The following ZNF652 variants were observed in gnomAD, a reference collection of about 807,000 sequenced individuals.
The protein encoded by ZNF652 is zinc finger protein 652.
Under a neutral mutation model 45.2 loss-of-function variants are expected in ZNF652, and 16 were observed. The ratio of observed to expected loss-of-function variants is 0.35; its 90% confidence interval spans 0.24 to 0.54. The LOEUF (loss-of-function observed/expected upper bound fraction) is 0.54. Ranked by LOEUF, ZNF652 falls within the 20% of genes least tolerant of loss-of-function variation. ZNF652 has a pLI of 0.91. For missense variants in ZNF652, 614 were observed against 765.6 expected (o/e 0.80, Z 2.34); for synonymous variants, 250 against 260.6 (o/e 0.96, Z 0.39).
chr17:49,312,070 AAAC>A, intron 3 of ZNF652, 28 bp from the exon 4 acceptor site: 1 of 1,559,912 alleles, frequency 6.4e-7, no homozygotes. Context: ...CTTAGTGTCA[AAAC>A]AAAATCCACC....
At chr17:49,352,563 T>C (rs2070293594) in intron 1 of ZNF652, among the ~76,000 whole-genome samples, 1 of 152,232 alleles carries the variant, frequency 6.6e-6, no homozygotes, top group African/African-American at 2.4e-5. Context: ...AGTAGGGATG[T>C]AGAAACAATT....
intron 1 of ZNF652, among the ~76,000 whole-genome samples, chr17:49,324,455 A>G (rs2069934297): frequency 6.6e-6 from 1 of 151,812 alleles, no homozygotes; most frequent in African/African-American, 2.4e-5. Context: ...CAGTGGCGTG[A>G]TCTCAGCTCA....
chr17:49,349,408 A>T (rs1289534677), intron 1 of ZNF652, among the ~76,000 whole-genome samples: 1 of 152,188 alleles, frequency 6.6e-6, no homozygotes, highest in Non-Finnish European at 1.5e-5. Context: ...CAAAAAAGAA[A>T]AAAAAACAAC....
chr17:49,292,465 T>C lies in ZNF652; in HGVS notation c.*5948A>G, dbSNP rs1455061558. 6.6e-6 allele frequency among the ~76,000 whole-genome samples: 1 copy of C among 152,188 alleles called. No individual in the cohort carries two copies. Among genetic ancestry groups the C allele is most frequent in the African/African-American group, 2.4e-5 (1 of 41,448 alleles). On this transcript the variant is annotated 3_prime_UTR_variant, in exon 6 of 6. Transcript: ENST00000430262. ...AGCTAGAAAAAGTAAACAGAAGTTT[T>C]TGAGGGACAGGGCCATGAGAGAGCA...
rs773456958 is a variant in ZNF652, at chr17:49,316,854, T to C, written c.872A>G (p.Gln291Arg). 1 of 1,613,576 alleles carries C rather than the reference T, an allele frequency of 6.2e-7. No individual in the cohort carries two copies. The highest frequency in any genetic ancestry group is 2.2e-5 in the East Asian group (1 of 44,880). The change falls in exon 2 of 6, where the codon CAG (glutamine) becomes CGG (arginine). Residue 291 changes from glutamine (Q) to arginine (R), a missense_variant. Gln to Arg is a conservative substitution (Grantham distance 43, BLOSUM62 1). Transcript: ENST00000430262. Reference protein sequence around the residue: ...FVLESELSLHQQTDCEKNIQC... With the variant: ...FVLESELSLHRQTDCEKNIQC... ...AATGTTTTTTTCACAGTCTGTTTGC[T>C]GGTGAAGGGACAGCTCACTTTCCAG...
chr17:49,295,791 A>C lies in ZNF652; in HGVS notation c.*2622T>G, dbSNP rs2069464925. 1 of 152,052 alleles carries C rather than the reference A, an allele frequency of 6.6e-6. No homozygotes were observed. Among genetic ancestry groups the C allele is most frequent in the Non-Finnish European group, 1.5e-5 (1 of 68,038 alleles). 9.4% of individuals were successfully genotyped at this position (152,052 alleles called of 1,614,324 possible). A position where few individuals can be genotyped will look rare whatever the true frequency, so the allele number is the denominator to read the frequency against. On this transcript the variant is annotated 3_prime_UTR_variant, in exon 6 of 6. Transcript: ENST00000430262. ...CATCTCTGCCAAAAATACAAAACTT[A>C]GCCGGGCGTGCTGGCGCATGCCTGT...
In ZNF652 at chr17:49,336,951, T is replaced by G. The variant is rs1227071741; in HGVS notation, c.-258-18968A>C. On this transcript the variant is annotated intron_variant, in intron 1 of 5. Coordinates refer to ENST00000430262, the MANE Select transcript of ZNF652 (RefSeq NM_001145365.3). ...TACTTTTCTTAATGGTGTTTTTTTT[T>G]TTTTTTTTTTTTTTAAGTATGTAAG... 9.1e-5 allele frequency among the ~76,000 whole-genome samples: 11 copies of G among 120,988 alleles called. No homozygotes were observed. The East Asian group carries it at 2.2e-3, about 24-fold the overall frequency. The allele number at this position is 120,988 out of a possible 152,430, so 79.4% of individuals were successfully genotyped here. A position where few individuals can be genotyped will look rare whatever the true frequency, so the allele number is the denominator to read the frequency against.
At chr17:49,301,875 A>G (rs2069557755) in intron 5 of ZNF652, among the ~76,000 whole-genome samples, 1 of 152,038 alleles carries the variant, frequency 6.6e-6, no homozygotes, top group African/African-American at 2.4e-5. Flanking sequence ...GTAAAAAACA[A>G]ACAAAAGCCC....
At chr17:49,302,292 ATT>A (rs35962100) in intron 5 of ZNF652, among the ~76,000 whole-genome samples, 3 of 138,700 alleles carry the variant, frequency 2.2e-5, no homozygotes, top group Admixed American at 7.2e-5. Flanking sequence ...TAGAAATGTA[ATT>A]TTTTTTTTTT....
chr17:49,336,901 T>C (rs1003967279), intron 1 of ZNF652, among the ~76,000 whole-genome samples: 7 of 150,488 alleles, frequency 4.7e-5, no homozygotes, highest in Admixed American at 1.3e-4. Flanking sequence ...ATTATAGGCA[T>C]GAGCGACCAC....
rs1427119263 is a variant in ZNF652 at position 49,362,078 on chromosome 17, G to T, written c.-428C>A. 1 of 148,962 alleles carries T rather than the reference G, an allele frequency of 6.7e-6. No individual in the cohort carries two copies. Among genetic ancestry groups the T allele is most frequent in the Non-Finnish European group, 1.5e-5 (1 of 66,766 alleles). The allele number at this position is 148,962 out of a possible 1,614,324, so 9.2% of individuals were successfully genotyped here. The stretch of plus-strand genomic sequence containing the variant: ...CCGCTCCTCAGACCCGGCCTCGGCC[G>T]CTGCCGCTGCCGCCGCAGCGCTACG... On this transcript the variant is annotated 5_prime_UTR_variant, in exon 1 of 6. Transcript: ENST00000430262.
intron 3 of ZNF652, 104 bp from the exon 4 acceptor site, chr17:49,312,146 C>T (rs1292762523): frequency 9.5e-6 from 4 of 419,950 alleles, no homozygotes; most frequent in African/African-American, 2.2e-5. Context: ...ATTTTCTACA[C>T]TGATTTGTGA....
Position 49,298,471 on chromosome 17 carries a change from C to T in ZNF652, c.1763G>A (p.Ser588Asn). The T allele has an allele frequency of 6.2e-7, 1 of 1,613,062 alleles. No individual in the cohort carries two copies. Among genetic ancestry groups the T allele is most frequent in the Non-Finnish European group, 8.5e-7 (1 of 1,180,004 alleles). Residue 588 changes from serine to asparagine, a missense_variant, in exon 6 of 6, where the codon AGT (serine) becomes AAT (asparagine). Transcript: ENST00000430262. ...KSEPLNHRGQ[S>N]EDNFLRHLAE... ...CAGGTGCCGCAGAAAGTTGTCCTCACTCTGGCCTCTATGATTTAAAGGCTC... is the reference window on the plus strand; with the variant it reads ...CAGGTGCCGCAGAAAGTTGTCCTCATTCTGGCCTCTATGATTTAAAGGCTC...
chr17:49,350,875 TAGG>T (rs2143093650), intron 1 of ZNF652, among the ~76,000 whole-genome samples: 1 of 147,792 alleles, frequency 6.8e-6, no homozygotes, highest in African/African-American at 2.5e-5. Flanking sequence ...GAAGCTGGGG[TAGG>T]AGAATTGCTT....
At chr17:49,310,606 A>G (rs1598289821) in intron 5 of ZNF652, among the ~76,000 whole-genome samples, 1 of 152,198 alleles carries the variant, frequency 6.6e-6, no homozygotes, top group African/African-American at 2.4e-5. Flanking sequence ...TCAAACTTAA[A>G]GAACAATGAG....
chr17:49,353,712 G>T (rs2070306153), intron 1 of ZNF652, among the ~76,000 whole-genome samples: 1 of 152,154 alleles, frequency 6.6e-6, no homozygotes, highest in Admixed American at 6.6e-5. Flanking sequence ...CAAAGTTTTT[G>T]TTTCAGTTGT....
Position 49,291,029 on chromosome 17 carries a change from G to A in ZNF652, c.*7384C>T, listed in dbSNP as rs1335700337. On this transcript the variant is annotated 3_prime_UTR_variant, in exon 6 of 6. Transcript: ENST00000430262. ...GAGAAGAAATCATCCCATTTTCAGAGGCTACATATATGCCCTTGGGGAGAC... is the reference window on the plus strand; with the variant it reads ...GAGAAGAAATCATCCCATTTTCAGAAGCTACATATATGCCCTTGGGGAGAC... 2 of 152,122 alleles carry A rather than the reference G, an allele frequency of 1.3e-5. No homozygotes were observed. The highest frequency in any genetic ancestry group is 4.8e-5 in the African/African-American group (2 of 41,402). 9.4% of individuals were successfully genotyped at this position (152,122 alleles called of 1,614,324 possible). A position where few individuals can be genotyped will look rare whatever the true frequency, so the allele number is the denominator to read the frequency against.
chr17:49,311,261 C>A, intron 5 of ZNF652, 51 bp downstream of exon 5: 1 of 1,557,886 alleles, frequency 6.4e-7, no homozygotes, highest in Non-Finnish European at 8.8e-7. Flanking sequence ...CACAGATGAT[C>A]ATCAACAAGT....
chr17:49,304,806 A>G (rs1385882575), intron 5 of ZNF652, among the ~76,000 whole-genome samples: 1 of 152,084 alleles, frequency 6.6e-6, no homozygotes, highest in Non-Finnish European at 1.5e-5. Flanking sequence ...GATCTGTCCA[A>G]TAAACACAAG....
Sources: gnomAD v4.1 joint callset for allele counts (sites outside exome capture counted in the v4.1 genomes callset) on GRCh38, gnomAD v4.1.1 for gene constraint, MANE v1.5 for transcripts, NCBI Gene and HGNC (gene_info 2026-07-23, HGNC 2026-07-21) for gene names.